Variants in PTPRM observed in about 807,000 individuals in gnomAD.
PTPRM encodes receptor-type tyrosine-protein phosphatase mu.
A neutral mutation model predicts 186.7 loss-of-function variants in PTPRM; 47 were observed. That is an observed-to-expected ratio of 0.25 (90% CI 0.20 to 0.32). The LOEUF (loss-of-function observed/expected upper bound fraction) is 0.32, where lower values mean the gene tolerates loss of function less well. Among genes scored for constraint, PTPRM ranks in the 10% least tolerant of loss-of-function variants. The pLI is 1.00. For missense variants in PTPRM, 1,494 were observed against 1,865.0 expected (o/e 0.80, Z 3.66); for synonymous variants, 668 against 674.9 (o/e 0.99, Z 0.16).
intron 14 of PTPRM, among the ~76,000 whole-genome samples, chr18:8,178,392 T>TA: frequency 6.6e-6 from 1 of 152,348 alleles, no homozygotes; most frequent in South Asian, 2.1e-4. Context: ...TAGGACTGAT[T>TA]TGTTTGCAAA....
intron 1 of PTPRM, among the ~76,000 whole-genome samples, chr18:7,645,343 G>A (rs1305172943): frequency 6.6e-6 from 1 of 152,080 alleles, no homozygotes; most frequent in Non-Finnish European, 1.5e-5. Flanking sequence ...TTTTACTTAT[G>A]TAACGATTTC....
intron 14 of PTPRM, among the ~76,000 whole-genome samples, chr18:8,173,251 G>A (rs1191135394): frequency 4.6e-5 from 7 of 152,144 alleles, no homozygotes; most frequent in African/African-American, 1.7e-4. Context: ...GAAGAATTTG[G>A]CAAGAAGGTG....
chr18:7,936,577 G>C (rs947610693), intron 5 of PTPRM, among the ~76,000 whole-genome samples: 1 of 152,154 alleles, frequency 6.6e-6, no homozygotes, highest in Non-Finnish European at 1.5e-5. Context: ...AGGGCAGTTT[G>C]GCACTGGCCT....
intron 25 of PTPRM, 30 bp from the exon 26 acceptor site, chr18:8,376,432 C>T (rs777027264): frequency 6.2e-7 from 1 of 1,614,010 alleles, no homozygotes; most frequent in Non-Finnish European, 8.5e-7. Context: ...GTCCTTCTTC[C>T]TCCACTGACA....
chr18:8,257,013 G>A (rs1384112576), intron 19 of PTPRM, among the ~76,000 whole-genome samples: 2 of 152,150 alleles, frequency 1.3e-5, no homozygotes. Flanking sequence ...CTGCTTCTCC[G>A]CTGTCCCCTG....
intron 2 of PTPRM, among the ~76,000 whole-genome samples, chr18:7,794,870 A>T (rs1189410979): frequency 6.6e-6 from 1 of 152,162 alleles, no homozygotes; most frequent in African/African-American, 2.4e-5. Flanking sequence ...GCCCTGTACC[A>T]ACTGTTCCCT....
intron 23 of PTPRM, 35 bp from the exon 24 acceptor site, chr18:8,370,855 C>T: frequency 7.0e-7 from 1 of 1,418,640 alleles, no homozygotes; most frequent in East Asian, 2.3e-5. Context: ...AAAAACCAAA[C>T]TGTAAACCCA....
chr18:8,304,761 A>G (rs892540265), intron 20 of PTPRM, among the ~76,000 whole-genome samples: 1 of 149,924 alleles, frequency 6.7e-6, no homozygotes, highest in Non-Finnish European at 1.5e-5. Context: ...CCCTGCTAAC[A>G]TTTTTTTTAT....
chr18:8,193,557 G>A (rs900128924), intron 14 of PTPRM, among the ~76,000 whole-genome samples: 5 of 152,242 alleles, frequency 3.3e-5, no homozygotes, highest in African/African-American at 1.2e-4. Context: ...CCTGTAGCCT[G>A]TGGCCAGATG....
At chr18:8,037,932 G>A (rs2086436938) in intron 7 of PTPRM, among the ~76,000 whole-genome samples, 1 of 152,122 alleles carries the variant, frequency 6.6e-6, no homozygotes, top group Non-Finnish European at 1.5e-5. Flanking sequence ...TCCTCTTTAT[G>A]TGTCACTCTT....
At chr18:7,657,672 G>A (rs563837254) in intron 1 of PTPRM, among the ~76,000 whole-genome samples, 2 of 152,312 alleles carry the variant, frequency 1.3e-5, no homozygotes, top group South Asian at 4.1e-4. Flanking sequence ...TTGTACACTG[G>A]CCTTGTGCAG....
chr18:8,397,184 G>C (rs1287014871), intron 32 of PTPRM, among the ~76,000 whole-genome samples: 1 of 152,226 alleles, frequency 6.6e-6, no homozygotes, highest in African/African-American at 2.4e-5. Flanking sequence ...TGCAATAGAG[G>C]GGCCCTCGCC....
chr18:8,006,803 G>A (rs2084215191), intron 7 of PTPRM, among the ~76,000 whole-genome samples: 2 of 152,232 alleles, frequency 1.3e-5, no homozygotes, highest in African/African-American at 4.8e-5. Context: ...CACAGGCAAA[G>A]TGGCCGCTTG....
rs1281979494 is a variant in PTPRM, at chr18:8,387,274, G to C, written c.4208+39G>C. The stretch of plus-strand genomic sequence containing the variant: ...AGAGCTCTTCATTTCAGAACAGCGA[G>C]GCCCCACACTCACTCTCACCTCCTA... On this transcript the variant is annotated intron_variant, in intron 31 of 32. Coordinates refer to ENST00000580170, the MANE Select transcript of PTPRM (RefSeq NM_001105244.2). The C allele has an allele frequency of 1.9e-6, 3 of 1,578,162 alleles. No individual in the cohort carries two copies. In the African/African-American group the frequency reaches 4.1e-5, roughly 21 times the overall value.
chr18:8,070,090 T>A, intron 8 of PTPRM, 96 bp downstream of exon 8: 1 of 1,152,556 alleles, frequency 8.7e-7, no homozygotes, highest in Non-Finnish European at 1.2e-6. Context: ...AAGAAAGAAC[T>A]ACTTATTTTG....
In PTPRM at chr18:7,870,032, G is replaced by C. The variant is rs1167522293; in HGVS notation, c.197-18074G>C. ...AAACTGAAGTTGAAATTGCACAGTGGCATGGTGGACTTTGTCTTCAGGAGA... is the reference window on the plus strand; with the variant it reads ...AAACTGAAGTTGAAATTGCACAGTGCCATGGTGGACTTTGTCTTCAGGAGA... On this transcript the variant is annotated intron_variant, in intron 2 of 32. Transcript: ENST00000580170. Among the ~76,000 whole-genome samples, 10 of 152,260 alleles carry C rather than the reference G, an allele frequency of 6.6e-5. 1 individual carries two copies. In the East Asian group the frequency reaches 1.7e-3, roughly 26 times the overall value.
chr18:8,093,923 A>C (rs997749770), intron 11 of PTPRM, among the ~76,000 whole-genome samples: 1 of 152,146 alleles, frequency 6.6e-6, no homozygotes, highest in African/African-American at 2.4e-5. Flanking sequence ...AAGTATATGA[A>C]TCTCTTTCCA....
intron 28 of PTPRM, 63 bp downstream of exon 28, chr18:8,379,403 C>A: frequency 1.4e-6 from 2 of 1,458,656 alleles, no homozygotes; most frequent in Non-Finnish European, 1.8e-6. Flanking sequence ...GCAGAACAGG[C>A]TTGGGTCTTC....
intron 1 of PTPRM, among the ~76,000 whole-genome samples, chr18:7,750,311 T>C (rs572966164): frequency 7.2e-5 from 11 of 152,240 alleles, no homozygotes; most frequent in South Asian, 4.1e-4. Context: ...CTAAGCCTCT[T>C]AGTAAAACAA....
Sources: gnomAD v4.1 joint callset for allele counts (sites outside exome capture counted in the v4.1 genomes callset) on GRCh38, gnomAD v4.1.1 for gene constraint, MANE v1.5 for transcripts, NCBI Gene and HGNC (gene_info 2026-07-23, HGNC 2026-07-21) for gene names.